SLC44A1: variants seen among roughly 807,000 people sequenced by gnomAD.
SLC44A1 encodes solute carrier family 44 member 1.
SLC44A1 carries 26 observed loss-of-function variants against 79.3 expected under a neutral mutation model. The observed-to-expected ratio is 0.33, with a 90% CI of 0.24 to 0.46. SLC44A1 has a LOEUF of 0.46. SLC44A1 is among the 20% of genes least tolerant of loss of function. The pLI, the probability that SLC44A1 is intolerant of heterozygous loss-of-function variation, is 1.00. For synonymous variants in SLC44A1, 263 were observed against 286.2 expected (o/e 0.92, Z 0.82); for missense variants, 688 against 798.1 (o/e 0.86, Z 1.66).
chr9:105,380,777 T>C (rs1248764205), intron 13 of SLC44A1, among the ~76,000 whole-genome samples: 1 of 152,168 alleles, frequency 6.6e-6, no homozygotes, highest in East Asian at 1.9e-4. Context: ...CCAGTACTTC[T>C]TGAGACATAG....
chr9:105,351,594 A>G (rs9696280), intron 5 of SLC44A1, among the ~76,000 whole-genome samples: 2,424 of 106,108 alleles, frequency 0.023, 112 homozygotes, highest in African/African-American at 0.083. Flanking sequence ...GAAAGAGAGA[A>G]AGAGAAAGAA....
intron 3 of SLC44A1, among the ~76,000 whole-genome samples, chr9:105,327,319 G>A (rs1826609747): frequency 6.6e-6 from 1 of 151,968 alleles, no homozygotes; most frequent in Non-Finnish European, 1.5e-5. Context: ...GTCTCACTCT[G>A]TCACCCAGGC....
chr9:105,313,983 C>T (rs1384898683), intron 3 of SLC44A1, among the ~76,000 whole-genome samples: 2 of 151,964 alleles, frequency 1.3e-5, no homozygotes, highest in African/African-American at 2.4e-5. Flanking sequence ...AGGCTGGTCT[C>T]GAACTCCTGA....
chr9:105,389,668 TA>T lies in SLC44A1; in HGVS notation c.*616del, dbSNP rs767905428. Reference sequence around the variant, plus strand: ...AGTTCATACATTTGTCAGCCAACATTAAAAGGTAACCAACTCCTCAGGTATT... The same window carrying T: ...AGTTCATACATTTGTCAGCCAACATTAAAGGTAACCAACTCCTCAGGTATT... On this transcript the variant is annotated 3_prime_UTR_variant, in exon 16 of 16. Transcript: ENST00000374720. The T allele has an allele frequency of 1.4e-4, 170 of 1,232,160 alleles. No homozygotes were observed. Among genetic ancestry groups the T allele is most frequent in the Non-Finnish European group, 1.7e-4 (166 of 986,772 alleles). 76.3% of individuals were successfully genotyped at this position (1,232,160 alleles called of 1,614,324 possible).
intron 15 of SLC44A1, among the ~76,000 whole-genome samples, chr9:105,421,928 C>A (rs113977329): frequency 0.016 from 2,403 of 152,254 alleles, 79 homozygotes; most frequent in African/African-American, 0.055. Context: ...GGTGCATTGT[C>A]AGTATTTTTC....
At chr9:105,346,644 G>C (rs1827255451) in intron 4 of SLC44A1, among the ~76,000 whole-genome samples, 1 of 151,976 alleles carries the variant, frequency 6.6e-6, no homozygotes, top group African/African-American at 2.4e-5. Flanking sequence ...TTATTGTCAT[G>C]TTTTCTGCAA....
At chr9:105,340,652 G>C (rs1279438337) in intron 4 of SLC44A1, among the ~76,000 whole-genome samples, 1 of 152,170 alleles carries the variant, frequency 6.6e-6, no homozygotes, top group East Asian at 1.9e-4. Flanking sequence ...AATATAACAT[G>C]TTTCTTACTA....
chr9:105,415,529 T>G (rs75797302), intron 15 of SLC44A1, among the ~76,000 whole-genome samples: 7,276 of 152,190 alleles, frequency 0.048, 566 homozygotes, highest in African/African-American at 0.17. Flanking sequence ...GAGCAGGATT[T>G]TGGGGTGGTC....
intron 3 of SLC44A1, among the ~76,000 whole-genome samples, chr9:105,314,054 G>T (rs192208632): frequency 1.3e-5 from 2 of 152,244 alleles, no homozygotes; most frequent in Admixed American, 1.3e-4. Context: ...GTGCACGACT[G>T]CGCCCAGCCT....
chr9:105,309,471 A>G (rs1434867978), intron 2 of SLC44A1, among the ~76,000 whole-genome samples: 1 of 152,184 alleles, frequency 6.6e-6, no homozygotes, highest in Non-Finnish European at 1.5e-5. Flanking sequence ...TATTATTATT[A>G]TAAAATTCAA....
intron 1 of SLC44A1, among the ~76,000 whole-genome samples, chr9:105,265,995 T>A (rs1442664788): frequency 6.6e-6 from 1 of 152,180 alleles, no homozygotes; most frequent in Non-Finnish European, 1.5e-5. Context: ...TCTAACTCTG[T>A]CACCCAGGCT....
intron 5 of SLC44A1, among the ~76,000 whole-genome samples, chr9:105,354,793 G>C (rs1211331327): frequency 2.0e-5 from 3 of 152,154 alleles, no homozygotes; most frequent in Non-Finnish European, 2.9e-5. Flanking sequence ...ACATTTAAGG[G>C]AAACTAATAC....
chr9:105,392,233 T>C lies in SLC44A1; in HGVS notation c.*3177T>C, dbSNP rs1313572270. The C allele has an allele frequency of 2.0e-6, 2 of 983,866 alleles. No homozygotes were observed. The highest frequency in any genetic ancestry group is 6.2e-5 in the Admixed American group (1 of 16,258). The allele number at this position is 983,866 out of a possible 1,614,324, so 60.9% of individuals were successfully genotyped here. On this transcript the variant is annotated 3_prime_UTR_variant, in exon 16 of 16. Transcript: ENST00000374720. Reference sequence around the variant, plus strand: ...TAATGTTTAGGATTAAAGTTTTTATTTTATCCTATAAGATAATTAAGTCCT... The same window carrying C: ...TAATGTTTAGGATTAAAGTTTTTATCTTATCCTATAAGATAATTAAGTCCT...
chr9:105,293,018 A>G (rs569015488), intron 1 of SLC44A1, among the ~76,000 whole-genome samples: 2 of 152,220 alleles, frequency 1.3e-5, no homozygotes, highest in East Asian at 3.9e-4. Flanking sequence ...TTAACAGAGC[A>G]TGGTGGTGTG....
At chr9:105,342,124 T>G (rs1037285765) in intron 4 of SLC44A1, among the ~76,000 whole-genome samples, 2 of 152,230 alleles carry the variant, frequency 1.3e-5, no homozygotes, top group African/African-American at 4.8e-5. Context: ...AAATAACACA[T>G]ACGGTAGTTC....
intron 1 of SLC44A1, among the ~76,000 whole-genome samples, chr9:105,255,578 A>C (rs1017530811): frequency 6.6e-6 from 1 of 152,224 alleles, no homozygotes; most frequent in Non-Finnish European, 1.5e-5. Context: ...ATTTGAATTT[A>C]GTCTGTTATA....
chr9:105,327,813 C>A (rs898916068), intron 3 of SLC44A1, among the ~76,000 whole-genome samples: 1 of 152,146 alleles, frequency 6.6e-6, no homozygotes, highest in African/African-American at 2.4e-5. Flanking sequence ...TAATGGGGTA[C>A]GTTTGATGCC....
At chr9:105,382,026 A>C (rs1387378288) in intron 13 of SLC44A1, among the ~76,000 whole-genome samples, 2 of 151,390 alleles carry the variant, frequency 1.3e-5, no homozygotes, top group Non-Finnish European at 3.0e-5. Flanking sequence ...GTGTGTCTAG[A>C]ATTCAGTAGA....
Position 105,340,412 on chromosome 9 carries a change from G to A in SLC44A1, c.406+4713G>A, listed in dbSNP as rs908545679. On this transcript the variant is annotated intron_variant, in intron 4 of 15. Transcript: ENST00000374720. ...AGGGGAATATTGTCTAATGGGTGAA[G>A]AGTTTTAGTTTTGTAAGATGAAGAG... Among the ~76,000 whole-genome samples the A allele has an allele frequency of 1.3e-5, 2 of 152,216 alleles. 1 individual carries two copies. The highest frequency in any genetic ancestry group is 4.1e-4 in the South Asian group (2 of 4,832).
Sources: gnomAD v4.1 joint callset for allele counts (sites outside exome capture counted in the v4.1 genomes callset) on GRCh38, gnomAD v4.1.1 for gene constraint, MANE v1.5 for transcripts, NCBI Gene and HGNC (gene_info 2026-07-23, HGNC 2026-07-21) for gene names.